Variants in COBL observed in about 807,000 individuals in gnomAD.
COBL encodes the protein protein cordon-bleu.
A neutral mutation model predicts 98.8 loss-of-function variants in COBL; 51 were observed. The observed-to-expected ratio is 0.52, with a 90% CI of 0.41 to 0.65. The LOEUF is 0.65. Among genes scored for constraint, COBL ranks in the 30% least tolerant of loss-of-function variants. The pLI is 0.00. For missense variants in COBL, 1,617 were observed against 1,617.5 expected (o/e 1.00, Z 0.01); for synonymous variants, 634 against 651.7 (o/e 0.97, Z 0.41).
intron 1 of COBL, among the ~76,000 whole-genome samples, chr7:51,280,909 T>C (rs540790468): frequency 3.3e-5 from 5 of 152,188 alleles, no homozygotes; most frequent in East Asian, 1.9e-4. Flanking sequence ...ACTAGGTCAA[T>C]TGCCAGATTT....
intron 7 of COBL, among the ~76,000 whole-genome samples, chr7:51,080,932 ACTTT>A (rs1793595543): frequency 6.6e-6 from 1 of 151,922 alleles, no homozygotes; most frequent in Admixed American, 6.6e-5. Context: ...ATTTTCCTTA[ACTTT>A]TTTAAGTCCT....
At chr7:51,213,126 A>C (rs2129079580) in intron 2 of COBL, among the ~76,000 whole-genome samples, 1 of 152,314 alleles carries the variant, frequency 6.6e-6, no homozygotes, top group South Asian at 2.1e-4. Context: ...TGTGGCCCTA[A>C]GCTCTGGATG....
chr7:51,201,075 C>T (rs568762948), intron 2 of COBL, among the ~76,000 whole-genome samples: 30 of 151,904 alleles, frequency 2.0e-4, no homozygotes. Flanking sequence ...CCCATCTTTA[C>T]TAAAAATACC....
chr7:51,206,422 G>A (rs145674815), intron 2 of COBL, among the ~76,000 whole-genome samples: 2,087 of 150,226 alleles, frequency 0.014, 48 homozygotes, highest in African/African-American at 0.049. Flanking sequence ...AACCCAGGAG[G>A]CAAAGATTGC....
intron 6 of COBL, among the ~76,000 whole-genome samples, chr7:51,092,796 T>G (rs1403376911): frequency 6.6e-6 from 1 of 152,244 alleles, no homozygotes; most frequent in Non-Finnish European, 1.5e-5. Context: ...AATTGTTTTT[T>G]TCTATTTCTT....
chr7:51,143,218 G>T (rs1175386781), intron 5 of COBL, among the ~76,000 whole-genome samples: 4 of 152,148 alleles, frequency 2.6e-5, no homozygotes, highest in Non-Finnish European at 5.9e-5. Flanking sequence ...GTGTGTGTGT[G>T]TCTGTGTGAC....
intron 1 of COBL, among the ~76,000 whole-genome samples, chr7:51,272,106 A>G (rs1232882580): frequency 6.6e-6 from 1 of 152,218 alleles, no homozygotes; most frequent in Admixed American, 6.5e-5. Context: ...TGCTCAATAC[A>G]TGTAAATGCA....
intron 1 of COBL, among the ~76,000 whole-genome samples, chr7:51,273,731 G>A (rs1052933262): frequency 2.6e-5 from 4 of 152,216 alleles, no homozygotes; most frequent in Non-Finnish European, 5.9e-5. Flanking sequence ...TTCTACCAGA[G>A]AGACAAACTA....
At chr7:51,283,087 T>C (rs1045974367) in intron 1 of COBL, among the ~76,000 whole-genome samples, 4 of 152,140 alleles carry the variant, frequency 2.6e-5, no homozygotes, top group African/African-American at 7.2e-5. Flanking sequence ...ATTCTCAAAC[T>C]AATCATTTAA....
intron 1 of COBL, among the ~76,000 whole-genome samples, chr7:51,249,225 C>A (rs1796521497): frequency 6.6e-6 from 1 of 152,118 alleles, no homozygotes; most frequent in African/African-American, 2.4e-5. Flanking sequence ...AGGGAACTAT[C>A]CATTAGGTGA....
intron 2 of COBL, among the ~76,000 whole-genome samples, chr7:51,205,698 AAAATAGAC>A (rs1305622498): frequency 3.3e-5 from 5 of 151,626 alleles, no homozygotes; most frequent in African/African-American, 1.2e-4. Flanking sequence ...AGCAAAAGCA[AAAATAGAC>A]AAATAGGACT....
chr7:51,231,267 A>G (rs1207102413), intron 1 of COBL, among the ~76,000 whole-genome samples: 1 of 152,210 alleles, frequency 6.6e-6, no homozygotes, highest in Non-Finnish European at 1.5e-5. Flanking sequence ...TCTAGTGCAG[A>G]GGAAACCCCA....
intron 3 of COBL, 136 bp downstream of exon 3, chr7:51,193,243 G>C: frequency 1.0e-5 from 7 of 702,350 alleles, no homozygotes; most frequent in Non-Finnish European, 1.7e-5. Flanking sequence ...TTAGTGCCTA[G>C]CTTTGCCTGG....
intron 7 of COBL, among the ~76,000 whole-genome samples, chr7:51,059,363 G>A (rs1791091452): frequency 6.6e-6 from 1 of 152,130 alleles, no homozygotes; most frequent in Admixed American, 6.5e-5. Flanking sequence ...CTATTGTTCT[G>A]CATAAAGCTG....
intron 1 of COBL, among the ~76,000 whole-genome samples, chr7:51,276,644 C>A (rs945159068): frequency 1.3e-5 from 2 of 152,236 alleles, no homozygotes; most frequent in Non-Finnish European, 2.9e-5. Flanking sequence ...CAACCCACTG[C>A]CCGCAGTAAA....
chr7:51,135,107 C>T (rs1799111825), intron 6 of COBL, among the ~76,000 whole-genome samples: 1 of 151,982 alleles, frequency 6.6e-6, no homozygotes, highest in Admixed American at 6.6e-5. Context: ...GGACAATAGG[C>T]GTGCACCACC....
chr7:51,247,981 A>C (rs912452242), intron 1 of COBL, among the ~76,000 whole-genome samples: 1 of 152,026 alleles, frequency 6.6e-6, no homozygotes, highest in African/African-American at 2.4e-5. Flanking sequence ...TCTACTAAAC[A>C]TACAAAAGTT....
At chr7:51,025,864 G>A (rs1588250123) in intron 11 of COBL, among the ~76,000 whole-genome samples, 1 of 152,154 alleles carries the variant, frequency 6.6e-6, no homozygotes, top group Admixed American at 6.5e-5. Flanking sequence ...CTCCACGGCC[G>A]AGACATCTGC....
At chr7:51,316,458 C>T in intron 1 of COBL, 135 bp downstream of exon 1, 2 of 595,576 alleles carry the variant, frequency 3.4e-6, no homozygotes, top group Non-Finnish European at 4.7e-6. Flanking sequence ...CACCGCACCA[C>T]CTGCTCCACC....
Sources: allele counts gnomAD v4.1 joint callset (sites outside exome capture counted in the v4.1 genomes callset), GRCh38; gene constraint gnomAD v4.1.1; transcripts MANE v1.5; gene names NCBI Gene and HGNC (gene_info 2026-07-23, HGNC 2026-07-21).